Variants in ESRRG observed in about 807,000 individuals in gnomAD.
ESRRG encodes the protein estrogen-related receptor gamma.
Under a neutral mutation model 44.0 loss-of-function variants are expected in ESRRG, and 13 were observed. The observed-to-expected ratio is 0.30, with a 90% CI of 0.19 to 0.47. ESRRG has a LOEUF of 0.47. ESRRG is among the 20% of genes least tolerant of loss of function. The pLI, the probability that ESRRG is intolerant of heterozygous loss-of-function variation, is 1.00. For missense variants in ESRRG, 395 were observed against 580.6 expected (o/e 0.68, Z 3.29); for synonymous variants, 215 against 214.6 (o/e 1.00, Z -0.02).
intron 2 of ESRRG, among the ~76,000 whole-genome samples, chr1:216,812,053 T>C (rs188899009): frequency 1.3e-5 from 2 of 152,194 alleles, no homozygotes; most frequent in Non-Finnish European, 2.9e-5. Context: ...TTATCCATTA[T>C]ATGATCAAAG....
intron 2 of ESRRG, among the ~76,000 whole-genome samples, chr1:216,742,134 C>A (rs980304263): frequency 2.0e-5 from 3 of 152,196 alleles, no homozygotes; most frequent in Admixed American, 6.5e-5. Context: ...GCCTGGGTAT[C>A]ACAGCCTTCA....
chr1:217,068,388 A>C (rs2090082602), intron 1 of ESRRG, among the ~76,000 whole-genome samples: 1 of 151,266 alleles, frequency 6.6e-6, no homozygotes, highest in Non-Finnish European at 1.5e-5. Flanking sequence ...GGGGCGTTTA[A>C]TCCCCTTCCT....
At chr1:216,630,293 A>C (rs776613378) in intron 3 of ESRRG, among the ~76,000 whole-genome samples, 3 of 152,152 alleles carry the variant, frequency 2.0e-5, no homozygotes, top group Non-Finnish European at 2.9e-5. Flanking sequence ...ATCATAGACT[A>C]TCAGCCTGAA....
At chr1:216,796,723 C>A (rs1013863856) in intron 2 of ESRRG, among the ~76,000 whole-genome samples, 2 of 151,952 alleles carry the variant, frequency 1.3e-5, no homozygotes, top group African/African-American at 2.4e-5. Context: ...TCTCTTTAAC[C>A]CTAAGTTCTG....
chr1:216,650,849 C>A, intron 3 of ESRRG, 124 bp downstream of exon 3: 1 of 700,910 alleles, frequency 1.4e-6, no homozygotes, highest in South Asian at 1.7e-5. Context: ...AGTATTCTGC[C>A]ATCAGAGTCA....
rs1258088251 is a variant in ESRRG, at chr1:217,084,301, T to C, written c.-106+5206A>G. ...AGAACAGCTTGTAGATAATGTATGG[T>C]TATAAACTGTAACTCACTATACAAA... On this transcript the variant is annotated intron_variant, in intron 1 of 7. Transcript: ENST00000359162. Among the ~76,000 whole-genome samples the C allele has an allele frequency of 2.6e-5, 4 of 152,316 alleles. 1 individual carries two copies. In the East Asian group the frequency reaches 5.8e-4, roughly 22 times the overall value.
chr1:216,874,578 G>T (rs61818564), intron 2 of ESRRG, among the ~76,000 whole-genome samples: 4,081 of 152,222 alleles, frequency 0.027, 67 homozygotes, highest in Middle Eastern at 0.058. Context: ...TGACCTTAAA[G>T]GTAACCATTC....
chr1:216,788,092 G>T (rs2094193092), intron 2 of ESRRG, among the ~76,000 whole-genome samples: 1 of 152,204 alleles, frequency 6.6e-6, no homozygotes, highest in Admixed American at 6.5e-5. Context: ...AGGTGAAGCA[G>T]CAAGTGCTGA....
intron 3 of ESRRG, among the ~76,000 whole-genome samples, chr1:216,610,788 C>T (rs1406702271): frequency 3.3e-5 from 5 of 151,944 alleles, no homozygotes; most frequent in Admixed American, 3.3e-4. Flanking sequence ...AAGTGCTTTA[C>T]ATGTATTAAC....
At position 216,830,830 on chromosome 1, in the gene ESRRG, G is replaced by GA. The variant is rs964448386; in HGVS notation, c.-14+108751dup. 1.7e-4 allele frequency among the ~76,000 whole-genome samples: 26 copies of GA among 149,836 alleles called. No individual in the cohort carries two copies. In the South Asian group the frequency reaches 3.2e-3, roughly 18 times the overall value. ...GGAGATACAGGGATAATGTTAGAAG[G>GA]AAAAAAAAAGGGATGCTTTTATGAG... is the stretch of plus-strand genomic sequence containing the variant. On this transcript the variant is annotated intron_variant, in intron 2 of 7. Coordinates refer to the ESRRG transcript ENST00000359162.
chr1:216,569,301 G>T (rs933877789), intron 3 of ESRRG, among the ~76,000 whole-genome samples: 1 of 151,832 alleles, frequency 6.6e-6, no homozygotes, highest in African/African-American at 2.4e-5. Context: ...GGAAGGAAAA[G>T]AAGAGCTTCC....
At chr1:217,051,789 G>C (rs745872645) in intron 1 of ESRRG, among the ~76,000 whole-genome samples, 5 of 152,070 alleles carry the variant, frequency 3.3e-5, no homozygotes, top group African/African-American at 1.2e-4. Context: ...TAAAGACAGG[G>C]TCTCACTTTG....
At chr1:216,932,623 C>G (rs1212017997) in intron 2 of ESRRG, among the ~76,000 whole-genome samples, 1 of 151,392 alleles carries the variant, frequency 6.6e-6, no homozygotes, top group Non-Finnish European at 1.5e-5. Context: ...GATCATGGCT[C>G]ACCACAGCCT....
chr1:216,967,175 C>A lies in ESRRG; in HGVS notation c.-105-27502G>T, dbSNP rs74410062. 2.5e-3 allele frequency among the ~76,000 whole-genome samples: 382 copies of A among 152,100 alleles called. 5 individuals carry two copies. The East Asian group carries it at 0.039, about 16-fold the overall frequency. ...CCTCCACATACACAGCATCGCCCCC[C>A]CTCCCCATTGATATTCCCCACCAGA... On this transcript the variant is annotated intron_variant, in intron 1 of 7. Transcript: ENST00000359162.
chr1:216,771,734 T>C (rs2093389435), intron 2 of ESRRG, among the ~76,000 whole-genome samples: 1 of 152,080 alleles, frequency 6.6e-6, no homozygotes, highest in South Asian at 2.1e-4. Flanking sequence ...TTTACTGTAC[T>C]GTGGTATTAT....
At chr1:216,615,485 T>C (rs1360927205) in intron 3 of ESRRG, among the ~76,000 whole-genome samples, 1 of 152,186 alleles carries the variant, frequency 6.6e-6, no homozygotes, top group Non-Finnish European at 1.5e-5. Context: ...TCTCTGTTAA[T>C]AACTTTGCAT....
chr1:216,826,214 C>T (rs568966253), intron 2 of ESRRG, among the ~76,000 whole-genome samples: 17 of 150,006 alleles, frequency 1.1e-4, no homozygotes, highest in South Asian at 8.4e-4. Context: ...CACACACACA[C>T]ACCCATAGGG....
Position 216,788,242 on chromosome 1 carries a change from G to C in ESRRG, c.-13-110751C>G, listed in dbSNP as rs879405755. On this transcript the variant is annotated intron_variant, in intron 2 of 7. Coordinates refer to the ESRRG transcript ENST00000359162. ...ATCTAGGACTTTTATAGCCAGGAAG[G>C]AGAAGTCAATTCCTGACTTCAAAGC... Among the ~76,000 whole-genome samples, 25 of 152,212 alleles carry C rather than the reference G, an allele frequency of 1.6e-4. 1 individual carries two copies. The highest frequency in any genetic ancestry group is 3.9e-4 in the Admixed American group (6 of 15,278).
chr1:216,940,629 G>C (rs1578418779), intron 1 of ESRRG, among the ~76,000 whole-genome samples: 2 of 152,202 alleles, frequency 1.3e-5, no homozygotes, highest in African/African-American at 4.8e-5. Flanking sequence ...CATCCCTTGA[G>C]GCATGAATGT....
Sources: allele counts gnomAD v4.1 joint callset (sites outside exome capture counted in the v4.1 genomes callset), GRCh38; gene constraint gnomAD v4.1.1; transcripts MANE v1.5; gene names NCBI Gene and HGNC (gene_info 2026-07-23, HGNC 2026-07-21).